Variants in SYT9 observed in about 807,000 individuals in gnomAD.
The protein encoded by SYT9 is synaptotagmin 9.
In SYT9, 22 loss-of-function variants were observed where a neutral mutation model predicts 48.4. The observed-to-expected ratio is 0.45, with a 90% CI of 0.32 to 0.65. The LOEUF (loss-of-function observed/expected upper bound fraction) is 0.65. SYT9 is among the 30% of genes least tolerant of loss of function. The pLI, the probability that SYT9 is intolerant of heterozygous loss-of-function variation, is 0.03. For synonymous variants in SYT9, 265 were observed against 245.0 expected (o/e 1.08, Z -0.76); for missense variants, 577 against 622.0 (o/e 0.93, Z 0.77).
chr11:7,463,871 C>T (rs1160694658), intron 6 of SYT9, among the ~76,000 whole-genome samples: 7 of 152,170 alleles, frequency 4.6e-5, no homozygotes, highest in African/African-American at 1.7e-4. Flanking sequence ...AGGAAATTCA[C>T]CAAATGAGCA....
At chr11:7,404,078 T>C (rs373856247) in intron 3 of SYT9, among the ~76,000 whole-genome samples, 2 of 152,318 alleles carry the variant, frequency 1.3e-5, no homozygotes, top group South Asian at 2.1e-4. Context: ...CTGATATTAA[T>C]TTAGCCACTC....
At chr11:7,422,520 T>A (rs989878514) in intron 6 of SYT9, among the ~76,000 whole-genome samples, 7 of 152,126 alleles carry the variant, frequency 4.6e-5, no homozygotes, top group Admixed American at 1.3e-4. Flanking sequence ...GTGGGCTCAT[T>A]AGATTTTGGG....
chr11:7,352,186 T>C (rs909819724), intron 3 of SYT9, among the ~76,000 whole-genome samples: 1 of 152,198 alleles, frequency 6.6e-6, no homozygotes, highest in Admixed American at 6.5e-5. Flanking sequence ...CAGACTGACT[T>C]CTGACATAAA....
chr11:7,424,022 G>T (rs550305432), intron 6 of SYT9, among the ~76,000 whole-genome samples: 9 of 152,258 alleles, frequency 5.9e-5, no homozygotes, highest in Middle Eastern at 3.4e-3. Flanking sequence ...ACGAAGATGG[G>T]GGCCCTGGGA....
intron 3 of SYT9, among the ~76,000 whole-genome samples, chr11:7,391,533 T>C (rs1444201019): frequency 6.6e-6 from 1 of 151,992 alleles, no homozygotes; most frequent in South Asian, 2.1e-4. Context: ...ATTGTGGTTT[T>C]CATTTGCATT....
At chr11:7,287,991 G>C (rs1347488046) in intron 1 of SYT9, among the ~76,000 whole-genome samples, 1 of 152,154 alleles carries the variant, frequency 6.6e-6, no homozygotes, top group Non-Finnish European at 1.5e-5. Flanking sequence ...GTGATAAATA[G>C]CAAGCTATGT....
intron 3 of SYT9, among the ~76,000 whole-genome samples, chr11:7,352,022 A>G (rs7945038): frequency 0.11 from 17,391 of 152,190 alleles, 1,111 homozygotes; most frequent in African/African-American, 0.16. Flanking sequence ...TTGCAGGTCT[A>G]GGTCTGAGGA....
chr11:7,303,010 A>T (rs372019446), intron 1 of SYT9, 29 bp from the exon 2 acceptor site: 1 of 1,600,808 alleles, frequency 6.2e-7, no homozygotes, highest in Admixed American at 1.7e-5. Flanking sequence ...GAATGACCAC[A>T]CTGACCTTTG....
At chr11:7,281,933 G>A (rs148752832) in intron 1 of SYT9, among the ~76,000 whole-genome samples, 1 of 152,138 alleles carries the variant, frequency 6.6e-6, no homozygotes, top group Admixed American at 6.5e-5. Flanking sequence ...AGGTACCTGG[G>A]CTCTATCAGT....
intron 6 of SYT9, among the ~76,000 whole-genome samples, chr11:7,463,468 TC>T (rs1218262462): frequency 6.6e-6 from 1 of 152,044 alleles, no homozygotes; most frequent in Non-Finnish European, 1.5e-5. Context: ...TTTCTAGTCT[TC>T]CCCCAACAGA....
intron 3 of SYT9, among the ~76,000 whole-genome samples, chr11:7,327,910 TG>T (rs2133973019): frequency 1.1e-5 from 1 of 94,812 alleles, no homozygotes; most frequent in South Asian, 5.0e-4. Context: ...TATCACACTC[TG>T]GGGACTGTGG....
chr11:7,243,046 C>CAATAAATA (rs576180827), intron 1 of SYT9, among the ~76,000 whole-genome samples: 116 of 117,224 alleles, frequency 9.9e-4, no homozygotes, highest in African/African-American at 3.2e-3. Flanking sequence ...AATTCTGTCT[C>CAATAAATA]AATAAATAAA....
At chr11:7,243,617 A>G (rs1368656939) in intron 1 of SYT9, among the ~76,000 whole-genome samples, 1 of 152,192 alleles carries the variant, frequency 6.6e-6, no homozygotes, top group Non-Finnish European at 1.5e-5. Context: ...ATTCTCACCC[A>G]TAAAAGTGCA....
intron 2 of SYT9, among the ~76,000 whole-genome samples, chr11:7,312,500 A>G (rs1374683020): frequency 1.3e-5 from 2 of 152,242 alleles, no homozygotes; most frequent in Non-Finnish European, 2.9e-5. Flanking sequence ...CTTGTATGTG[A>G]TAACTACTTC....
At chr11:7,264,705 A>G (rs982758541) in intron 1 of SYT9, among the ~76,000 whole-genome samples, 1 of 152,138 alleles carries the variant, frequency 6.6e-6, no homozygotes, top group African/African-American at 2.4e-5. Context: ...GGACATGATC[A>G]TGAGAGGCAT....
At chr11:7,265,957 A>T (rs1472863918) in intron 1 of SYT9, among the ~76,000 whole-genome samples, 1 of 152,168 alleles carries the variant, frequency 6.6e-6, no homozygotes, top group East Asian at 1.9e-4. Flanking sequence ...GCTATAAATC[A>T]TCCTAGCCAA....
chr11:7,421,529 A>G (rs1847353551), intron 6 of SYT9, among the ~76,000 whole-genome samples: 1 of 152,230 alleles, frequency 6.6e-6, no homozygotes, highest in Admixed American at 6.5e-5. Context: ...TTCTGTTTGC[A>G]GAGAAGAGGA....
chr11:7,354,029 A>C (rs1849970088), intron 3 of SYT9, among the ~76,000 whole-genome samples: 1 of 152,242 alleles, frequency 6.6e-6, no homozygotes, highest in Admixed American at 6.5e-5. Flanking sequence ...AATATGGTGA[A>C]TCATTAATAG....
chr11:7,429,711 T>C (rs945619821), intron 6 of SYT9, among the ~76,000 whole-genome samples: 3 of 152,188 alleles, frequency 2.0e-5, no homozygotes, highest in Non-Finnish European at 2.9e-5. Flanking sequence ...CCTGGCTCAC[T>C]GCGGTATGTC....
Sources: allele counts gnomAD v4.1 joint callset (sites outside exome capture counted in the v4.1 genomes callset), GRCh38; gene constraint gnomAD v4.1.1; transcripts MANE v1.5; gene names NCBI Gene and HGNC (gene_info 2026-07-23, HGNC 2026-07-21).